Variants in ZDHHC14 observed in about 807,000 individuals in gnomAD.
ZDHHC14 encodes palmitoyltransferase ZDHHC14.
ZDHHC14 carries 16 observed loss-of-function variants against 47.7 expected under a neutral mutation model. That is an observed-to-expected ratio of 0.34 (90% CI 0.23 to 0.51). ZDHHC14 has a LOEUF of 0.51. ZDHHC14 is among the 20% of genes least tolerant of loss of function. The pLI is 0.97. For missense variants in ZDHHC14, 515 were observed against 662.5 expected, an observed-to-expected ratio of 0.78 and a Z score of 2.44; for synonymous variants, 293 against 278.9, an observed-to-expected ratio of 1.05 and a Z score of -0.50.
At chr6:157,498,881 T>C (rs940085813) in intron 1 of ZDHHC14, among the ~76,000 whole-genome samples, 1 of 152,202 alleles carries the variant, frequency 6.6e-6, no homozygotes, top group African/African-American at 2.4e-5. Context: ...TCTGTTTCCA[T>C]TGCATTGAGT....
At position 157,477,209 on chromosome 6, in the gene ZDHHC14, G is replaced by A. The variant is rs151094108; in HGVS notation, c.246-65376G>A. On this transcript the variant is annotated intron_variant, in intron 1 of 8. Transcript: ENST00000359775. ...AGCCTGACCAACATGGTGAAACCCCGTCTCTACTAAAAATACAAAAATTAG... is the reference window on the plus strand; with the variant it reads ...AGCCTGACCAACATGGTGAAACCCCATCTCTACTAAAAATACAAAAATTAG... 5.9e-4 allele frequency among the ~76,000 whole-genome samples: 90 copies of A among 152,242 alleles called. No homozygotes were observed. In the East Asian group the frequency reaches 0.014, roughly 24 times the overall value.
chr6:157,548,956 G>T (rs1446111734), intron 2 of ZDHHC14, among the ~76,000 whole-genome samples: 2 of 152,236 alleles, frequency 1.3e-5, no homozygotes, highest in Non-Finnish European at 1.5e-5. Context: ...CCCCGTGTAG[G>T]ATGTGGCCGC....
chr6:157,655,159 C>T (rs535519613), intron 8 of ZDHHC14, among the ~76,000 whole-genome samples: 1 of 152,280 alleles, frequency 6.6e-6, no homozygotes, highest in African/African-American at 2.4e-5. Flanking sequence ...GGGTCACTCC[C>T]CTGTATTTTT....
intron 7 of ZDHHC14, among the ~76,000 whole-genome samples, chr6:157,652,646 G>A (rs650090): frequency 0.012 from 1,885 of 152,302 alleles, 34 homozygotes; most frequent in Non-Finnish European, 0.016. Flanking sequence ...CTTGTCTGTG[G>A]GACAAGGGAC....
intron 7 of ZDHHC14, among the ~76,000 whole-genome samples, chr6:157,651,025 G>A (rs895739167): frequency 7.9e-5 from 12 of 152,330 alleles, no homozygotes; most frequent in African/African-American, 2.4e-4. Flanking sequence ...AGGTGGGCCC[G>A]CGGCCATGAG....
intron 1 of ZDHHC14, among the ~76,000 whole-genome samples, chr6:157,428,803 G>T (rs1778277951): frequency 6.6e-6 from 1 of 152,116 alleles, no homozygotes; most frequent in South Asian, 2.1e-4. Context: ...TAATCTCTTT[G>T]GTTTGTTCTG....
At chr6:157,579,151 C>T (rs1367656218) in intron 2 of ZDHHC14, among the ~76,000 whole-genome samples, 2 of 130,090 alleles carry the variant, frequency 1.5e-5, no homozygotes, top group African/African-American at 5.8e-5. Flanking sequence ...CTGTAAATTG[C>T]TTTTGGCACT....
intron 1 of ZDHHC14, among the ~76,000 whole-genome samples, chr6:157,468,964 C>G (rs976542082): frequency 1.3e-5 from 2 of 152,210 alleles, no homozygotes; most frequent in South Asian, 2.1e-4. Flanking sequence ...GGTCTCTATT[C>G]CCCTAGGGCC....
intron 2 of ZDHHC14, among the ~76,000 whole-genome samples, chr6:157,589,151 G>A (rs1015806807): frequency 3.3e-5 from 5 of 152,128 alleles, no homozygotes; most frequent in Non-Finnish European, 4.4e-5. Flanking sequence ...AAGGAAAAGA[G>A]GAAGGTCTTA....
chr6:157,535,527 T>C (rs759433010), intron 1 of ZDHHC14, among the ~76,000 whole-genome samples: 3 of 152,224 alleles, frequency 2.0e-5, no homozygotes, highest in Admixed American at 6.5e-5. Context: ...GTCACCTCCA[T>C]GCTCTCTGGG....
At chr6:157,650,388 C>T (rs1383292448) in intron 7 of ZDHHC14, among the ~76,000 whole-genome samples, 1 of 151,852 alleles carries the variant, frequency 6.6e-6, no homozygotes, top group African/African-American at 2.4e-5. Context: ...GGCCGAGAAC[C>T]AAGAGGTGAG....
intron 1 of ZDHHC14, among the ~76,000 whole-genome samples, chr6:157,428,980 GGAT>G (rs1340134017): frequency 6.6e-6 from 1 of 152,118 alleles, no homozygotes; most frequent in Non-Finnish European, 1.5e-5. Context: ...TCCCTTCAAG[GGAT>G]GATGAGCTTG....
chr6:157,589,936 G>A (rs902206354), intron 2 of ZDHHC14, among the ~76,000 whole-genome samples: 38 of 152,302 alleles, frequency 2.5e-4, no homozygotes, highest in African/African-American at 9.1e-4. Flanking sequence ...TGATAGTGAT[G>A]TGTACAATGA....
At chr6:157,452,805 C>T (rs1312627888) in intron 1 of ZDHHC14, among the ~76,000 whole-genome samples, 1 of 142,840 alleles carries the variant, frequency 7.0e-6, no homozygotes, top group African/African-American at 2.6e-5. Flanking sequence ...CGGGTTCAAG[C>T]GATTCTCGTG....
In ZDHHC14 at chr6:157,382,285, T is replaced by TC. The variant is rs781410112; in HGVS notation, c.245+24dup. 26 of 1,608,992 alleles carry TC rather than the reference T, an allele frequency of 1.6e-5. No individual in the cohort carries two copies. The highest frequency in any genetic ancestry group is 2.1e-5 in the Non-Finnish European group (25 of 1,178,134). ...CCTTCGAGTAAGTGGTGGCGACCGCTCCCCCGACGCCGCACTCCCCTGGTC... is the reference window on the plus strand; with the variant it reads ...CCTTCGAGTAAGTGGTGGCGACCGCTCCCCCCGACGCCGCACTCCCCTGGTC... On this transcript the variant is annotated intron_variant, in intron 1 of 8. Transcript: ENST00000359775.
intron 1 of ZDHHC14, among the ~76,000 whole-genome samples, chr6:157,404,653 G>T (rs546670537): frequency 2.0e-5 from 3 of 152,164 alleles, no homozygotes; most frequent in Non-Finnish European, 4.4e-5. Context: ...AATGAGTCAA[G>T]GACAGAAAGT....
At chr6:157,386,403 G>C (rs1777312473) in intron 1 of ZDHHC14, among the ~76,000 whole-genome samples, 1 of 152,074 alleles carries the variant, frequency 6.6e-6, no homozygotes, top group African/African-American at 2.4e-5. Context: ...GTGAGTCCAG[G>C]GAACCTCTGT....
chr6:157,560,851 C>T (rs975196586), intron 2 of ZDHHC14, among the ~76,000 whole-genome samples: 6 of 152,162 alleles, frequency 3.9e-5, no homozygotes, highest in Admixed American at 2.0e-4. Flanking sequence ...TTATGAGGAA[C>T]GGATGCATTA....
rs548484468 is a variant in ZDHHC14 at position 157,493,812 on chromosome 6, T to G, written c.246-48773T>G. Among the ~76,000 whole-genome samples, 17 of 152,286 alleles carry G rather than the reference T, an allele frequency of 1.1e-4. No individual in the cohort carries two copies. In the South Asian group the frequency reaches 2.5e-3, roughly 22 times the overall value. On this transcript the variant is annotated intron_variant, in intron 1 of 8. Coordinates refer to ENST00000359775, the MANE Select transcript of ZDHHC14 (RefSeq NM_024630.3). ...AGGCCGGCACACACAGGTGACACAA[T>G]CCCCGCCCTTGGCTGTGGAGCATTG...
Sources: allele counts gnomAD v4.1 joint callset (sites outside exome capture counted in the v4.1 genomes callset), GRCh38; gene constraint gnomAD v4.1.1; transcripts MANE v1.5; gene names NCBI Gene and HGNC (gene_info 2026-07-23, HGNC 2026-07-21).